The following NRXN3 variants were observed in gnomAD, a reference collection of about 807,000 sequenced individuals.
NRXN3 encodes the protein neurexin 3, also known as neurexin III.
Under a neutral mutation model 137.6 loss-of-function variants are expected in NRXN3, and 32 were observed. The ratio of observed to expected loss-of-function variants is 0.23; its 90% confidence interval spans 0.18 to 0.31. The LOEUF (loss-of-function observed/expected upper bound fraction) is 0.31, where lower values mean the gene tolerates loss of function less well. NRXN3 is among the 10% of genes least tolerant of loss of function. The pLI is 1.00. For missense variants in NRXN3, 1,574 were observed against 2,062.5 expected (o/e 0.76, Z 4.59); for synonymous variants, 798 against 784.5 (o/e 1.02, Z -0.29).
intron 10 of NRXN3, among the ~76,000 whole-genome samples, chr14:78,854,660 C>T (rs1387200919): frequency 6.6e-6 from 1 of 152,150 alleles, no homozygotes; most frequent in East Asian, 1.9e-4. Context: ...CAAGGTCATA[C>T]AGCTACTAAG....
intron 8 of NRXN3, among the ~76,000 whole-genome samples, chr14:78,718,201 G>A (rs770616358): frequency 3.9e-5 from 6 of 152,140 alleles, no homozygotes; most frequent in Non-Finnish European, 8.8e-5. Context: ...TGGATCATTT[G>A]TACTAAATGT....
chr14:78,470,185 G>A (rs751328630), intron 4 of NRXN3, among the ~76,000 whole-genome samples: 1 of 152,146 alleles, frequency 6.6e-6, no homozygotes, highest in African/African-American at 2.4e-5. Flanking sequence ...CTCCTGTTAG[G>A]TATGACACTG....
chr14:78,201,421 A>G (rs2061666416), intron 1 of NRXN3, among the ~76,000 whole-genome samples: 1 of 152,088 alleles, frequency 6.6e-6, no homozygotes, highest in Non-Finnish European at 1.5e-5. Flanking sequence ...GGCAACTTTG[A>G]TGGAAATGCA....
intron 19 of NRXN3, among the ~76,000 whole-genome samples, chr14:79,709,379 A>G (rs2098794347): frequency 6.6e-6 from 1 of 152,222 alleles, no homozygotes; most frequent in Admixed American, 6.5e-5. Flanking sequence ...ACTAAGGATT[A>G]GAAGAGAAAA....
intron 19 of NRXN3, among the ~76,000 whole-genome samples, chr14:79,752,951 C>T (rs1367321300): frequency 6.6e-6 from 1 of 152,094 alleles, no homozygotes; most frequent in Non-Finnish European, 1.5e-5. Context: ...TTTATGCAAC[C>T]AAAAGACACA....
intron 4 of NRXN3, among the ~76,000 whole-genome samples, chr14:78,616,714 A>C (rs1202770162): frequency 6.6e-6 from 1 of 152,242 alleles, no homozygotes; most frequent in African/African-American, 2.4e-5. Flanking sequence ...GAGGGCACAG[A>C]TGGGCAAGGG....
chr14:78,410,517 C>T (rs551904683), intron 4 of NRXN3, among the ~76,000 whole-genome samples: 1 of 152,176 alleles, frequency 6.6e-6, no homozygotes, highest in East Asian at 1.9e-4. Context: ...TTTCTTAACT[C>T]CTGAGCCAGG....
intron 1 of NRXN3, among the ~76,000 whole-genome samples, chr14:78,182,627 C>G (rs1289530786): frequency 6.8e-6 from 1 of 147,684 alleles, no homozygotes; most frequent in Non-Finnish European, 1.5e-5. Context: ...TGCCACCAAG[C>G]CCAGCTGATT....
rs144368338 is a variant in NRXN3, at chr14:78,853,516, T to G, written c.2275+43172T>G. Among the ~76,000 whole-genome samples, 28 of 152,294 alleles carry G rather than the reference T, an allele frequency of 1.8e-4. No homozygotes were observed. In the East Asian group the frequency reaches 5.4e-3, roughly 29 times the overall value. The stretch of plus-strand genomic sequence containing the variant: ...TAGTACCCATTAGTTATACAGTAAT[T>G]TCTTAATACATATTATAACATTTGT... On this transcript the variant is annotated intron_variant, in intron 10 of 20. Coordinates refer to ENST00000335750, the MANE Select transcript of NRXN3 (RefSeq NM_001330195.2).
intron 15 of NRXN3, among the ~76,000 whole-genome samples, chr14:79,321,236 A>G (rs2089966572): frequency 6.6e-6 from 1 of 152,192 alleles, no homozygotes; most frequent in African/African-American, 2.4e-5. Flanking sequence ...AGGTCCAGTG[A>G]AAGGTAAAAA....
At chr14:78,885,536 A>T (rs1023419004) in intron 10 of NRXN3, among the ~76,000 whole-genome samples, 2 of 152,116 alleles carry the variant, frequency 1.3e-5, no homozygotes, top group African/African-American at 4.8e-5. Flanking sequence ...AGCTTCTTTG[A>T]CCACCCTACC....
chr14:79,388,464 G>A (rs1282259732), intron 15 of NRXN3, among the ~76,000 whole-genome samples: 9 of 152,054 alleles, frequency 5.9e-5, no homozygotes. Context: ...AGGAGTCCAG[G>A]CCCTTATGGG....
At chr14:78,320,974 G>A (rs2079275354) in intron 4 of NRXN3, among the ~76,000 whole-genome samples, 1 of 151,970 alleles carries the variant, frequency 6.6e-6, no homozygotes, top group Non-Finnish European at 1.5e-5. Context: ...AAATTACCTG[G>A]GTGAGGTGGC....
chr14:79,050,945 A>G (rs997260161), intron 15 of NRXN3, among the ~76,000 whole-genome samples: 12 of 152,252 alleles, frequency 7.9e-5, no homozygotes, highest in South Asian at 4.1e-4. Flanking sequence ...TTACAGTAAT[A>G]GAATGAACAC....
intron 19 of NRXN3, among the ~76,000 whole-genome samples, chr14:79,803,068 T>G (rs188201712): frequency 2.2e-4 from 33 of 152,252 alleles, no homozygotes; most frequent in African/African-American, 7.0e-4. Flanking sequence ...AAAATTCTTT[T>G]TTTCTGCTAG....
intron 15 of NRXN3, among the ~76,000 whole-genome samples, chr14:79,227,493 A>G (rs1445248070): frequency 2.0e-5 from 3 of 152,032 alleles, no homozygotes; most frequent in Non-Finnish European, 4.4e-5. Context: ...AGCTAACTCT[A>G]TTTGGAAAGA....
chr14:79,289,242 T>C (rs889615858), intron 15 of NRXN3, among the ~76,000 whole-genome samples: 1 of 152,214 alleles, frequency 6.6e-6, no homozygotes, highest in Non-Finnish European at 1.5e-5. Context: ...CCCATCTCTC[T>C]TTCTTCAGAG....
intron 19 of NRXN3, among the ~76,000 whole-genome samples, chr14:79,727,272 TC>T (rs1313962344): frequency 6.8e-6 from 1 of 146,984 alleles, no homozygotes. Context: ...TTGGTTGGCT[TC>T]CGGTAAATTG....
chr14:79,770,793 A>C (rs985947317), intron 19 of NRXN3, among the ~76,000 whole-genome samples: 13 of 151,886 alleles, frequency 8.6e-5, no homozygotes, highest in Middle Eastern at 3.4e-3. Context: ...ACTGAAGGAA[A>C]TAGAGACACA....
Sources: gnomAD v4.1 joint callset for allele counts (sites outside exome capture counted in the v4.1 genomes callset) on GRCh38, gnomAD v4.1.1 for gene constraint, MANE v1.5 for transcripts, NCBI Gene and HGNC (gene_info 2026-07-23, HGNC 2026-07-21) for gene names.